DGLUCY: variants seen among roughly 807,000 people sequenced by gnomAD.
DGLUCY encodes D-glutamate cyclase.
DGLUCY carries 58 observed loss-of-function variants against 58.5 expected under a neutral mutation model. That is an observed-to-expected ratio of 0.99 (90% confidence interval 0.80 to 1.23). The LOEUF (loss-of-function observed/expected upper bound fraction) is 1.23, where lower values mean the gene tolerates loss of function less well. Ranked by LOEUF, DGLUCY falls within the 50% of genes most tolerant of loss-of-function variation. The probability of loss-of-function intolerance (pLI) is 0.00; values close to 1 mark genes in which losing one functional copy is unlikely to be tolerated. For missense variants in DGLUCY, 779 were observed against 784.7 expected, an observed-to-expected ratio of 0.99 and a Z score of 0.09; for synonymous variants, 325 against 314.1, an observed-to-expected ratio of 1.03 and a Z score of -0.37.
At chr14:91,163,828 G>A (rs146917496) in intron 3 of DGLUCY, among the ~76,000 whole-genome samples, 77 of 152,196 alleles carry the variant, frequency 5.1e-4, no homozygotes, top group Middle Eastern at 6.8e-3. Flanking sequence ...TGGGGAGCCC[G>A]GCACATAAAA....
chr14:91,064,078 A>G (rs1312679124), intron 1 of DGLUCY, among the ~76,000 whole-genome samples: 1 of 152,232 alleles, frequency 6.6e-6, no homozygotes, highest in Non-Finnish European at 1.5e-5. Flanking sequence ...ATCTGAAATG[A>G]CACCAGTGTT....
intron 4 of DGLUCY, among the ~76,000 whole-genome samples, chr14:91,167,897 C>A (rs1323387511): frequency 6.6e-6 from 1 of 152,112 alleles, no homozygotes; most frequent in African/African-American, 2.4e-5. Context: ...CCTTTCTTCC[C>A]CAACCCTGTC....
chr14:91,155,824 G>C (rs1323362035), intron 1 of DGLUCY, among the ~76,000 whole-genome samples: 1 of 148,780 alleles, frequency 6.7e-6, no homozygotes, highest in African/African-American at 2.5e-5. Context: ...GGACAGAAAA[G>C]ACAAAAGAGC....
chr14:91,075,108 T>C (rs926428853), intron 1 of DGLUCY, among the ~76,000 whole-genome samples: 2 of 152,122 alleles, frequency 1.3e-5, no homozygotes, highest in African/African-American at 4.8e-5. Flanking sequence ...CTCTTCTTTT[T>C]ATCGTACAAA....
chr14:91,196,348 T>A, intron 9 of DGLUCY, 27 bp from the exon 10 acceptor site: 1 of 1,598,598 alleles, frequency 6.3e-7, no homozygotes, highest in Non-Finnish European at 8.6e-7. Context: ...AGAGCTGATG[T>A]GTGCCCTGCT....
intron 12 of DGLUCY, among the ~76,000 whole-genome samples, chr14:91,208,011 G>A (rs1412220879): frequency 1.3e-5 from 2 of 152,172 alleles, no homozygotes; most frequent in Non-Finnish European, 2.9e-5. Flanking sequence ...GCCTCCCAAA[G>A]TGCTGGGATT....
chr14:91,190,971 C>T (rs2049850699), intron 9 of DGLUCY, among the ~76,000 whole-genome samples: 1 of 152,100 alleles, frequency 6.6e-6, no homozygotes, highest in Non-Finnish European at 1.5e-5. Flanking sequence ...TGGCACATCC[C>T]TTCAGCCGCA....
At chr14:91,209,462 A>G (rs1466172189) in intron 12 of DGLUCY, among the ~76,000 whole-genome samples, 1 of 152,096 alleles carries the variant, frequency 6.6e-6, no homozygotes, top group Non-Finnish European at 1.5e-5. Context: ...TAATCCCAGC[A>G]CTTTGGGAGG....
intron 1 of DGLUCY, among the ~76,000 whole-genome samples, chr14:91,064,605 A>T (rs2043788004): frequency 6.8e-6 from 1 of 148,102 alleles, no homozygotes. Context: ...CCTGGGTGAC[A>T]CAGTCAGACT....
intron 1 of DGLUCY, among the ~76,000 whole-genome samples, chr14:91,064,100 C>A (rs1253251389): frequency 6.6e-6 from 1 of 152,122 alleles, no homozygotes; most frequent in East Asian, 1.9e-4. Context: ...CTAGCGTGAG[C>A]AGCTAGTGGC....
Position 91,181,330 on chromosome 14 carries a change from C to T in DGLUCY, c.875C>T (p.Ala292Val), listed in dbSNP as rs150428305. Residue 292 changes from alanine (A) to valine (V), a missense_variant, in exon 8 of 14, where the codon GCG becomes GTG. Ala to Val is a moderately conservative substitution (Grantham distance 64, BLOSUM62 0). Coordinates refer to ENST00000256324, the MANE Select transcript of DGLUCY (RefSeq NM_001102368.3). Reference protein sequence around the residue: ...ISQDPLHYSIASVSASQKIRE... With the variant: ...ISQDPLHYSIVSVSASQKIRE... ...CAAGATCCTCTGCACTACAGCATCGCGTCAGTCTCTGCTTCTCAGAAGATC... is the reference window on the plus strand; with the variant it reads ...CAAGATCCTCTGCACTACAGCATCGTGTCAGTCTCTGCTTCTCAGAAGATC... The T allele has an allele frequency of 4.3e-5, 69 of 1,614,166 alleles. No homozygotes were observed. The highest frequency in any genetic ancestry group is 1.5e-4 in the South Asian group (14 of 91,088).
At chr14:91,091,389 G>A (rs2044308731) in intron 1 of DGLUCY, among the ~76,000 whole-genome samples, 1 of 152,122 alleles carries the variant, frequency 6.6e-6, no homozygotes, top group Non-Finnish European at 1.5e-5. Flanking sequence ...AGGCGCGGTG[G>A]CAGGTGCCTG....
intron 1 of DGLUCY, among the ~76,000 whole-genome samples, chr14:91,088,195 C>T (rs1391127077): frequency 1.3e-5 from 2 of 151,938 alleles, no homozygotes; most frequent in Non-Finnish European, 2.9e-5. Flanking sequence ...AGTTTTGGAG[C>T]GCCAAGGAAT....
In DGLUCY at chr14:91,087,734, G is replaced by T. The variant is rs183091856; in HGVS notation, c.-82+27030G>T. ...TCCCATTCCAGCCAATGGAAACTGG[G>T]CACAGCAGTAGGGTGGACGCGTCAG... On this transcript the variant is annotated intron_variant, in intron 1 of 4. Coordinates refer to the DGLUCY transcript ENST00000521334. 3.7e-3 allele frequency among the ~76,000 whole-genome samples: 568 copies of T among 152,264 alleles called. 1 individual carries two copies. The highest frequency in any genetic ancestry group is 5.7e-3 in the Non-Finnish European group (387 of 68,030).
At chr14:91,138,247 T>G (rs554669995) in intron 1 of DGLUCY, among the ~76,000 whole-genome samples, 2 of 152,204 alleles carry the variant, frequency 1.3e-5, no homozygotes, top group South Asian at 4.2e-4. Flanking sequence ...ATCCCAGCAC[T>G]TTGGGAGGTG....
intron 1 of DGLUCY, among the ~76,000 whole-genome samples, chr14:91,088,632 G>A (rs1434700525): frequency 6.6e-6 from 1 of 152,204 alleles, no homozygotes; most frequent in African/African-American, 2.4e-5. Context: ...GTTGTGGTCA[G>A]GGAGAGAGGG....
At chr14:91,118,242 C>T (rs28751095) in intron 1 of DGLUCY, among the ~76,000 whole-genome samples, 27,764 of 151,746 alleles carry the variant, frequency 0.18, 3,267 homozygotes, top group African/African-American at 0.33. Flanking sequence ...ACCCCCACCA[C>T]GCCTGGCTAA....
intron 1 of DGLUCY, among the ~76,000 whole-genome samples, chr14:91,072,252 AGTTG>A (rs2043934119): frequency 6.6e-6 from 1 of 151,288 alleles, no homozygotes; most frequent in Non-Finnish European, 1.5e-5. Context: ...TGAATGTGGG[AGTTG>A]GAGGTTGCAG....
At chr14:91,121,983 G>A (rs1336250627) in intron 1 of DGLUCY, among the ~76,000 whole-genome samples, 3 of 152,120 alleles carry the variant, frequency 2.0e-5, no homozygotes, top group Non-Finnish European at 4.4e-5. Flanking sequence ...TACGTTTTGA[G>A]CACTGGGAGA....
Sources: gnomAD v4.1 joint callset for allele counts (sites outside exome capture counted in the v4.1 genomes callset) on GRCh38, gnomAD v4.1.1 for gene constraint, MANE v1.5 for transcripts, NCBI Gene and HGNC (gene_info 2026-07-23, HGNC 2026-07-21) for gene names.